Variants in PPP2R2B observed in about 807,000 individuals in gnomAD.
The protein encoded by PPP2R2B is protein phosphatase 2 regulatory subunit Bbeta, also known as serine/threonine-protein phosphatase 2A 55 kDa regulatory subunit B beta isoform.
In PPP2R2B, 5 loss-of-function variants were observed where a neutral mutation model predicts 46.0. The ratio of observed to expected loss-of-function variants is 0.11; its 90% CI spans 0.06 to 0.23. PPP2R2B has a LOEUF of 0.23. Ranked by LOEUF, PPP2R2B falls within the 10% of genes least tolerant of loss-of-function variation. PPP2R2B has a pLI of 1.00. For synonymous variants in PPP2R2B, 215 were observed against 206.7 expected (o/e 1.04, Z -0.34); for missense variants, 367 against 575.0 (o/e 0.64, Z 3.70).
chr5:146,691,318 G>A lies in PPP2R2B; in HGVS notation c.335-78C>T, dbSNP rs373784760. The A allele has an allele frequency of 6.0e-5, 69 of 1,159,210 alleles. No homozygotes were observed. In the African/African-American group the frequency reaches 9.7e-4, roughly 16 times the overall value. 71.8% of individuals were successfully genotyped at this position (1,159,210 alleles called of 1,614,324 possible). On this transcript the variant is annotated intron_variant, in intron 4 of 9. Coordinates refer to ENST00000394411, the MANE Select transcript of PPP2R2B (RefSeq NM_181675.4). ...AGGGAGTTTTCCTGGGGGCAATGGG[G>A]AGAGGAAGAGGTAAGGATGGATAGA...
intron 2 of PPP2R2B, among the ~76,000 whole-genome samples, chr5:146,801,025 C>T (rs1756833849): frequency 6.6e-6 from 1 of 152,048 alleles, no homozygotes; most frequent in Non-Finnish European, 1.5e-5. Context: ...CTGGCATTTA[C>T]AACAACATGG....
chr5:146,785,577 C>T (rs1331470406), intron 2 of PPP2R2B, among the ~76,000 whole-genome samples: 5 of 151,984 alleles, frequency 3.3e-5, no homozygotes, highest in Non-Finnish European at 7.4e-5. Flanking sequence ...ACAAAAACAA[C>T]TTAATAGCTT....
intron 1 of PPP2R2B, among the ~76,000 whole-genome samples, chr5:146,976,123 A>G (rs367807664): frequency 2.1e-4 from 30 of 146,188 alleles, no homozygotes; most frequent in South Asian, 1.7e-3. Flanking sequence ...TATTATTATT[A>G]TTATTATTAT....
At chr5:147,029,679 T>G (rs1284917449) in intron 1 of PPP2R2B, among the ~76,000 whole-genome samples, 1 of 152,028 alleles carries the variant, frequency 6.6e-6, no homozygotes, top group Non-Finnish European at 1.5e-5. Context: ...GTTATAAAAG[T>G]GAGGTCCTGA....
intron 1 of PPP2R2B, among the ~76,000 whole-genome samples, chr5:147,036,257 C>T (rs1341153444): frequency 2.0e-5 from 3 of 152,140 alleles, no homozygotes; most frequent in East Asian, 3.9e-4. Flanking sequence ...TAAGACATAA[C>T]ATGCAGTATT....
chr5:146,873,035 A>G (rs886131054), intron 2 of PPP2R2B, among the ~76,000 whole-genome samples: 4 of 152,116 alleles, frequency 2.6e-5, no homozygotes, highest in African/African-American at 9.7e-5. Flanking sequence ...CAGAAATCCA[A>G]TTGTCTACTT....
At chr5:146,595,306 A>G (rs531253601) in intron 8 of PPP2R2B, among the ~76,000 whole-genome samples, 1 of 152,282 alleles carries the variant, frequency 6.6e-6, no homozygotes, top group South Asian at 2.1e-4. Flanking sequence ...CACAGCAGTA[A>G]AGGTATATAA....
At chr5:146,703,811 C>T (rs1779680644) in intron 2 of PPP2R2B, among the ~76,000 whole-genome samples, 1 of 152,170 alleles carries the variant, frequency 6.6e-6, no homozygotes, top group African/African-American at 2.4e-5. Context: ...CCAGGTAATA[C>T]AAATATTTCC....
At chr5:146,700,745 A>G (rs1779487697) in intron 3 of PPP2R2B, among the ~76,000 whole-genome samples, 1 of 152,168 alleles carries the variant, frequency 6.6e-6, no homozygotes, top group Non-Finnish European at 1.5e-5. Flanking sequence ...TCCCATTGAA[A>G]AAGGAGGAGT....
chr5:146,934,578 C>CA (rs1764078101), intron 1 of PPP2R2B, among the ~76,000 whole-genome samples: 1 of 55,928 alleles, frequency 1.8e-5, no homozygotes, highest in Non-Finnish European at 3.1e-5. Context: ...GGTAGTTTTT[C>CA]ATAAGAAAAA....
At chr5:146,680,420 A>G (rs1778080775) in intron 5 of PPP2R2B, among the ~76,000 whole-genome samples, 2 of 151,060 alleles carry the variant, frequency 1.3e-5, no homozygotes, top group African/African-American at 4.9e-5. Context: ...AGGGAGGGAT[A>G]GCATTGGGAG....
At chr5:147,076,982 T>C (rs1272882313) in intron 2 of PPP2R2B, among the ~76,000 whole-genome samples, 3 of 143,978 alleles carry the variant, frequency 2.1e-5, no homozygotes, top group Admixed American at 6.8e-5. Context: ...ATACCCAAGA[T>C]GCACATAAGT....
intron 2 of PPP2R2B, among the ~76,000 whole-genome samples, chr5:146,782,939 G>A (rs557391226): frequency 7.2e-5 from 11 of 152,168 alleles, no homozygotes; most frequent in African/African-American, 2.6e-4. Context: ...GGATACAAAA[G>A]TGTCATAGAA....
intron 7 of PPP2R2B, among the ~76,000 whole-genome samples, chr5:146,630,546 C>T (rs766789466): frequency 6.6e-6 from 1 of 152,198 alleles, no homozygotes; most frequent in Non-Finnish European, 1.5e-5. Context: ...ATCTTTCCCC[C>T]TTTTAGCTAG....
At chr5:146,955,270 C>T (rs1552056) in intron 1 of PPP2R2B, among the ~76,000 whole-genome samples, 5 of 152,108 alleles carry the variant, frequency 3.3e-5, no homozygotes, top group African/African-American at 9.7e-5. Context: ...ACTGGTAAGT[C>T]TTTGATGTGC....
At chr5:146,685,099 A>G (rs1778408656) in intron 5 of PPP2R2B, among the ~76,000 whole-genome samples, 1 of 152,200 alleles carries the variant, frequency 6.6e-6, no homozygotes, top group African/African-American at 2.4e-5. Flanking sequence ...AGCATAGTAG[A>G]CACTGAGATA....
At chr5:146,977,765 C>T (rs928521141) in intron 1 of PPP2R2B, among the ~76,000 whole-genome samples, 1 of 152,092 alleles carries the variant, frequency 6.6e-6, no homozygotes, top group Non-Finnish European at 1.5e-5. Context: ...TTTCTTTATC[C>T]AGTCTACTGT....
At chr5:146,745,862 G>A (rs1315981309) in intron 2 of PPP2R2B, among the ~76,000 whole-genome samples, 1 of 152,116 alleles carries the variant, frequency 6.6e-6, no homozygotes, top group Non-Finnish European at 1.5e-5. Context: ...GGAGGCTGAG[G>A]CAGGAGAATT....
intron 7 of PPP2R2B, among the ~76,000 whole-genome samples, chr5:146,616,739 G>A (rs1419164696): frequency 2.6e-5 from 4 of 152,264 alleles, no homozygotes; most frequent in African/African-American, 7.2e-5. Context: ...ATGAGGATGT[G>A]GAGAAAAGGG....
Sources: allele counts gnomAD v4.1 joint callset (sites outside exome capture counted in the v4.1 genomes callset), GRCh38; gene constraint gnomAD v4.1.1; transcripts MANE v1.5; gene names NCBI Gene and HGNC (gene_info 2026-07-23, HGNC 2026-07-21).